The following CYP3A7 variants were observed in gnomAD, a reference collection of about 807,000 sequenced individuals.
CYP3A7 encodes the protein cytochrome P450 3A7.
Under a neutral mutation model 55.2 loss-of-function variants are expected in CYP3A7, and 45 were observed. The ratio of observed to expected loss-of-function variants is 0.82; its 90% confidence interval spans 0.64 to 1.05. The LOEUF is 1.05. Ranked by LOEUF, CYP3A7 falls within the 50% of genes least tolerant of loss-of-function variation. The probability of loss-of-function intolerance (pLI) is 0.00; values close to 1 mark genes in which losing one functional copy is unlikely to be tolerated. For synonymous variants in CYP3A7, 180 were observed against 207.4 expected, an observed-to-expected ratio of 0.87 and a Z score of 1.13; for missense variants, 548 against 605.3, an observed-to-expected ratio of 0.91 and a Z score of 0.99.
At chr7:99,727,444 T>A (rs1476322823) in intron 2 of CYP3A7, among the ~76,000 whole-genome samples, 1 of 152,142 alleles carries the variant, frequency 6.6e-6, no homozygotes, top group Non-Finnish European at 1.5e-5. Context: ...CAATACCCAC[T>A]CTCTGTTGAG....
chr7:99,715,237 C>G (rs1166016903), intron 7 of CYP3A7: 2 of 175,278 alleles, frequency 1.1e-5, no homozygotes, highest in South Asian at 2.5e-4. Context: ...ATGTGATAGG[C>G]CAGAATGTCA....
Position 99,705,163 on chromosome 7 carries a change from T to C in CYP3A7, c.*337A>G, listed in dbSNP as rs1679408956. ...AAATAATTCCTATTTTTATTAATGA[T>C]TGTGGTTGAAATTATTGAGAAATGT... On this transcript the variant is annotated 3_prime_UTR_variant, in exon 13 of 13. Coordinates refer to ENST00000336374, the MANE Select transcript of CYP3A7 (RefSeq NM_000765.5). The C allele has an allele frequency of 4.0e-6, 1 of 252,930 alleles. No individual in the cohort carries two copies. The highest frequency in any genetic ancestry group is 2.2e-5 in the African/African-American group (1 of 44,908). The allele number at this position is 252,930 out of a possible 1,614,324, so 15.7% of individuals were successfully genotyped here.
intron 1 of CYP3A7, among the ~76,000 whole-genome samples, chr7:99,731,509 C>T (rs1226655499): frequency 3.9e-5 from 6 of 152,128 alleles, no homozygotes; most frequent in African/African-American, 7.2e-5. Flanking sequence ...TGGACTCTTC[C>T]CTGATTTTGG....
intron 2 of CYP3A7, among the ~76,000 whole-genome samples, chr7:99,723,559 C>T (rs928422313): frequency 6.6e-6 from 1 of 152,176 alleles, no homozygotes; most frequent in African/African-American, 2.4e-5. Flanking sequence ...GGTCTCTTCA[C>T]ATGGACGCAA....
chr7:99,705,438 G>T lies in CYP3A7; in HGVS notation c.*62C>A. The T allele has an allele frequency of 6.4e-7, 1 of 1,554,406 alleles. No individual in the cohort carries two copies. The highest frequency in any genetic ancestry group is 8.9e-7 in the Non-Finnish European group (1 of 1,127,756). On this transcript the variant is annotated 3_prime_UTR_variant, in exon 13 of 13. Transcript: ENST00000336374. Reference sequence around the variant, plus strand: ...CAGGGTTCTATTTGTAAAGTAATTTGAGGTCTCTGGTGTTCTGGGGCACAG... The same window carrying T: ...CAGGGTTCTATTTGTAAAGTAATTTTAGGTCTCTGGTGTTCTGGGGCACAG...
At chr7:99,733,194 G>A (rs553029229) in intron 1 of CYP3A7, among the ~76,000 whole-genome samples, 6 of 152,302 alleles carry the variant, frequency 3.9e-5, no homozygotes, top group African/African-American at 1.4e-4. Flanking sequence ...CACAGCCATG[G>A]AAAATCAATG....
intron 2 of CYP3A7, among the ~76,000 whole-genome samples, chr7:99,724,336 G>C (rs532694733): frequency 1.3e-5 from 2 of 152,082 alleles, no homozygotes; most frequent in African/African-American, 4.8e-5. Context: ...TTGATTTCTC[G>C]ATCTTATAAG....
intron 2 of CYP3A7, among the ~76,000 whole-genome samples, chr7:99,727,563 T>A (rs943811644): frequency 6.6e-6 from 1 of 152,178 alleles, no homozygotes; most frequent in Non-Finnish European, 1.5e-5. Flanking sequence ...CCATCTGACA[T>A]TCACTCTATT....
At chr7:99,718,200 C>G (rs1209686040) in intron 4 of CYP3A7, among the ~76,000 whole-genome samples, 1 of 151,876 alleles carries the variant, frequency 6.6e-6, no homozygotes, top group African/African-American at 2.4e-5. Context: ...TACAGCACAC[C>G]AACATGGCAC....
chr7:99,717,479 T>A (rs750322451), intron 5 of CYP3A7, 47 bp downstream of exon 5: 5 of 1,608,998 alleles, frequency 3.1e-6, no homozygotes, highest in South Asian at 2.2e-5. Context: ...TGTCCCCACC[T>A]GATTCATTCT....
intron 1 of CYP3A7, among the ~76,000 whole-genome samples, chr7:99,733,822 C>T (rs182000556): frequency 7.0e-4 from 107 of 152,318 alleles, no homozygotes; most frequent in African/African-American, 2.5e-3. Flanking sequence ...TACTTTCTAG[C>T]CCTGAGAGTT....
At position 99,709,260 on chromosome 7, in the gene CYP3A7, G is replaced by A; in HGVS notation, c.1028C>T (p.Ala343Val). 10 of 1,613,600 alleles carry A rather than the reference G, an allele frequency of 6.2e-6. No homozygotes were observed. In the Middle Eastern group the frequency reaches 5.0e-4, roughly 80 times the overall value. The change falls in exon 11 of 13, where the codon GCA (alanine) becomes GTA (valine). Residue 343 changes from alanine to valine, a missense_variant and splice_region_variant. Physicochemically the swap from Ala to Val is moderately conservative, Grantham distance 64. Coordinates refer to ENST00000336374, the MANE Select transcript of CYP3A7 (RefSeq NM_000765.5). ...TAGCACAGTATCATAGGTGGGTGGT[G>A]CCTGAAAAGAAAGAAACAGATTTGG... ...KEIDTVLPNK[A>V]PPTYDTVLQL...
chr7:99,717,382 G>A, intron 5 of CYP3A7, 117 bp from the exon 6 acceptor site: 1 of 1,596,738 alleles, frequency 6.3e-7, no homozygotes. Flanking sequence ...TTTATGATGT[G>A]TTTTCTGTAC....
intron 3 of CYP3A7, among the ~76,000 whole-genome samples, chr7:99,721,294 A>G (rs541758706): frequency 2.6e-5 from 4 of 152,344 alleles, no homozygotes; most frequent in African/African-American, 9.6e-5. Flanking sequence ...TTCCACACTT[A>G]CATAGAAAGT....
intron 1 of CYP3A7, among the ~76,000 whole-genome samples, chr7:99,732,251 C>T (rs1814655540): frequency 6.6e-6 from 1 of 152,166 alleles, no homozygotes. Flanking sequence ...GTAAGATCTG[C>T]CTGCTTCTTT....
intron 7 of CYP3A7, chr7:99,715,409 G>A: frequency 3.3e-6 from 1 of 307,182 alleles, no homozygotes; most frequent in South Asian, 3.4e-5. Context: ...AAATAATACA[G>A]ACTAAAGTAC....
intron 2 of CYP3A7, chr7:99,730,781 C>T: frequency 2.5e-6 from 1 of 404,978 alleles, no homozygotes; most frequent in Non-Finnish European, 4.6e-6. Flanking sequence ...AGGAAATGCT[C>T]TTTATGGTGC....
intron 7 of CYP3A7, among the ~76,000 whole-genome samples, chr7:99,714,922 T>C (rs1813882101): frequency 6.6e-6 from 1 of 152,174 alleles, no homozygotes; most frequent in Non-Finnish European, 1.5e-5. Flanking sequence ...ATCTTTTGAA[T>C]GATGAAAGGA....
At position 99,710,758 on chromosome 7, in the gene CYP3A7, C is replaced by T; in HGVS notation, c.1000G>A (p.Glu334Lys). 3 of 1,613,940 alleles carry T rather than the reference C, an allele frequency of 1.9e-6. No individual in the cohort carries two copies. The highest frequency in any genetic ancestry group is 2.5e-6 in the Non-Finnish European group (3 of 1,179,888). ...TTATTGGGTAAAACTGTATCAATTT[C>T]CTTCTGCACTTTCTGCTGGACATCA... The part of the protein sequence containing the change: ...HPDVQQKVQK[E>K]IDTVLPNKAP... The change falls in exon 10 of 13, where the codon GAA becomes AAA. Residue 334 changes from glutamate to lysine, a missense_variant. Transcript: ENST00000336374.
Sources: allele counts gnomAD v4.1 joint callset (sites outside exome capture counted in the v4.1 genomes callset), GRCh38; gene constraint gnomAD v4.1.1; transcripts MANE v1.5; gene names NCBI Gene and HGNC (gene_info 2026-07-23, HGNC 2026-07-21).